Variants in TTN observed in about 807,000 individuals in gnomAD.
The protein encoded by TTN is titin.
TTN carries 1,525 observed loss-of-function variants against 3,223.0 expected under a neutral mutation model. The observed-to-expected ratio is 0.47, with a 90% CI of 0.45 to 0.49. The LOEUF (loss-of-function observed/expected upper bound fraction) is 0.49, where lower values mean the gene tolerates loss of function less well. Ranked by LOEUF, TTN falls within the 20% of genes least tolerant of loss-of-function variation. The pLI, the probability that TTN is intolerant of heterozygous loss-of-function variation, is 0.00. For synonymous variants in TTN, 14,094 were observed against 15,161.0 expected (o/e 0.93, Z 5.17); for missense variants, 40,786 against 43,424.0 (o/e 0.94, Z 5.40).
chr2:178,708,358 G>A (rs920428136), intron 99 of TTN, among the ~76,000 whole-genome samples: 1 of 152,134 alleles, frequency 6.6e-6, no homozygotes. Context: ...CTTAGCCCAA[G>A]GGAATTAGGA....
chr2:178,681,554 A>G, intron 136 of TTN, 104 bp from the exon 137 acceptor site: 1 of 1,455,114 alleles, frequency 6.9e-7, no homozygotes, highest in Non-Finnish European at 9.4e-7. Context: ...ATATTCCCAA[A>G]CACACACATA....
rs1370397460 is a variant in TTN at position 178,741,135 on chromosome 2, G to T, written c.12098C>A (p.Thr4033Lys). ...AAELLVLLED[T>K]DMTDTPCKAK... ...TTTGCAGGGGGTATCAGTCATGTCT[G>T]TGTCTTCCAGAAGCACAAGCAGCTC... The change falls in exon 48 of 363, where the codon ACA becomes AAA. Residue 4033 changes from threonine to lysine, a missense_variant. Transcript: ENST00000589042. 6.2e-7 allele frequency: 1 copy of T among 1,613,624 alleles called. No individual in the cohort carries two copies.
At position 178,527,267 on chromosome 2, in the gene TTN, G is replaced by T. The variant is rs977991321; in HGVS notation, c.107721C>A (p.Ser35907Arg). The T allele has an allele frequency of 9.3e-6, 15 of 1,608,426 alleles. No individual in the cohort carries two copies. The highest frequency in any genetic ancestry group is 1.2e-5 in the Non-Finnish European group (14 of 1,175,926). Residue 35907 changes from serine (S) to arginine (R), a missense_variant, in exon 363 of 363, where the codon AGC (serine) becomes AGA (arginine). Ser to Arg is a moderately radical substitution (Grantham distance 110). Transcript: ENST00000589042. ...PKIEALPSDISIDEGKVLTVA... is the reference protein window; with the variant it reads ...PKIEALPSDIRIDEGKVLTVA... ...CTGTTAGAACTTTGCCTTCATCAATGCTGATATCAGATGGAAGAGCTTCAA... is the reference window on the plus strand; with the variant it reads ...CTGTTAGAACTTTGCCTTCATCAATTCTGATATCAGATGGAAGAGCTTCAA...
rs372820915 is a variant in TTN, at chr2:178,719,493, A to G, written c.23939-42T>C. The G allele has an allele frequency of 2.1e-4, 333 of 1,592,330 alleles. 1 individual carries two copies. In the African/African-American group the frequency reaches 3.9e-3, roughly 19 times the overall value. Reference sequence around the variant, plus strand: ...AGTTTTGCGTTTAAAGAGAAGTTTTATTCTGTGCCCCTCCACCCCCTGGAA... The same window carrying G: ...AGTTTTGCGTTTAAAGAGAAGTTTTGTTCTGTGCCCCTCCACCCCCTGGAA... On this transcript the variant is annotated intron_variant, in intron 82 of 362. Transcript: ENST00000589042.
chr2:178,683,434 T>G, intron 133 of TTN, 143 bp from the exon 134 acceptor site: 1 of 567,968 alleles, frequency 1.8e-6, no homozygotes. Flanking sequence ...AGAAAATCAA[T>G]AGACTTGGAA....
chr2:178,631,376 A>C, intron 236 of TTN, 76 bp from the exon 237 acceptor site: 1 of 1,444,474 alleles, frequency 6.9e-7, no homozygotes, highest in Non-Finnish European at 9.2e-7. Flanking sequence ...AGTTTAAGAC[A>C]CAACTCACAG....
At chr2:178,587,067 T>G in intron 307 of TTN, 51 bp downstream of exon 307, 1 of 1,604,704 alleles carries the variant, frequency 6.2e-7, no homozygotes. Flanking sequence ...ATCTTGACCT[T>G]GCTAAAATAG....
At position 178,733,713 on chromosome 2, in the gene TTN, T is replaced by A; in HGVS notation, c.15676A>T (p.Ile5226Leu). 3 of 1,613,894 alleles carry A rather than the reference T, an allele frequency of 1.9e-6. No individual in the cohort carries two copies. The South Asian group carries it at 3.3e-5, about 18-fold the overall frequency. ...MSFSNGVAVL[I>L]IPDVQISFGG... The stretch of plus-strand genomic sequence containing the variant: ...AAACTAATCTGAACATCAGGGATTA[T>A]CAAGACTGCAACACCATTGGAAAAG... The change falls in exon 53 of 363, where the codon ATA (isoleucine) becomes TTA (leucine). Residue 5226 changes from isoleucine to leucine, a missense_variant. Ile to Leu is a conservative substitution (Grantham distance 5). Coordinates refer to ENST00000589042, the MANE Select transcript of TTN (RefSeq NM_001267550.2).
At position 178,728,983 on chromosome 2, in the gene TTN, C is replaced by T; in HGVS notation, c.19055G>A (p.Arg6352Lys). The T allele has an allele frequency of 6.2e-7, 1 of 1,613,136 alleles. No individual in the cohort carries two copies. The highest frequency in any genetic ancestry group is 8.5e-7 in the Non-Finnish European group (1 of 1,179,540). Residue 6352 changes from arginine to lysine, a missense_variant, in exon 65 of 363, where the codon AGA (arginine) becomes AAA (lysine). Physicochemically the swap from Arg to Lys is conservative, Grantham distance 26 (BLOSUM62 2). Transcript: ENST00000589042. Reference sequence around the variant, plus strand: ...CCCACTGTGTCCATTATCCACACTTCTGATTTGAAGTGTGGCCACACTGTC... The same window carrying T: ...CCCACTGTGTCCATTATCCACACTTTTGATTTGAAGTGTGGCCACACTGTC... ...FVDSVATLQI[R>K]SVDNGHSGRY...
rs776432275 is a variant in TTN, at chr2:178,568,968, G to C, written c.77164C>G (p.Pro25722Ala). The C allele has an allele frequency of 6.2e-7, 1 of 1,613,358 alleles. No individual in the cohort carries two copies. Among genetic ancestry groups the C allele is most frequent in the Admixed American group, 1.7e-5 (1 of 59,984 alleles). Reference protein sequence around the residue: ...RNSVSLSWTKPEHDGGSKIIQ... With the variant: ...RNSVSLSWTKAEHDGGSKIIQ... ...ATTTTACTGCCACCATCATGTTCAG[G>C]TTTTGTCCAACTCAGAGAGACACTG... Residue 25722 changes from proline (P) to alanine (A), a missense_variant, in exon 326 of 363, where the codon CCT becomes GCT. Physicochemically the swap from Pro to Ala is conservative, Grantham distance 27. Transcript: ENST00000589042.
chr2:178,740,697 G>A lies in TTN; in HGVS notation c.12536C>T (p.Ser4179Leu). 6.2e-7 allele frequency: 1 copy of A among 1,613,832 alleles called. No homozygotes were observed. Among genetic ancestry groups the A allele is most frequent in the East Asian group, 2.2e-5 (1 of 44,848 alleles). ...PEEPETQAVL[S>L]DTEKIFPSAM... ...ACTTGGGAAGATTTTCTCGGTATCTGATAGAACTGCCTGTGTCTCAGGCTC... is the reference window on the plus strand; with the variant it reads ...ACTTGGGAAGATTTTCTCGGTATCTAATAGAACTGCCTGTGTCTCAGGCTC... The change falls in exon 48 of 363, where the codon TCA becomes TTA. Residue 4179 changes from serine (S) to leucine (L), a missense_variant. Ser to Leu is a moderately radical substitution (Grantham distance 145). Coordinates refer to ENST00000589042, the MANE Select transcript of TTN (RefSeq NM_001267550.2).
At chr2:178,615,600 G>C (rs777020994) in intron 258 of TTN, 41 bp downstream of exon 258, 4 of 1,610,318 alleles carry the variant, frequency 2.5e-6, no homozygotes, top group Non-Finnish European at 3.4e-6. Flanking sequence ...AGCAAAAACA[G>C]GCAACAAGAT....
At position 178,557,049 on chromosome 2, in the gene TTN, C is replaced by A; in HGVS notation, c.88105G>T (p.Gly29369Cys). ...AGGTCACGTCTCTCAACAATGTAGC[C>A]TGTAATCTTGCTACCTCCATCGAAA... ...PAFDGGSKIT[G>C]YIVERRDLPD... is the part of the protein sequence containing the mutation. Residue 29369 changes from glycine to cysteine, a missense_variant, in exon 330 of 363, where the codon GGC (glycine) becomes TGC (cysteine). Physicochemically the swap from Gly to Cys is radical, Grantham distance 159. Coordinates refer to ENST00000589042, the MANE Select transcript of TTN (RefSeq NM_001267550.2). The A allele has an allele frequency of 6.2e-7, 1 of 1,613,772 alleles. No homozygotes were observed. The highest frequency in any genetic ancestry group is 2.2e-5 in the East Asian group (1 of 44,770).
At chr2:178,801,318 A>C (rs372473100) in intron 3 of TTN, among the ~76,000 whole-genome samples, 6 of 152,166 alleles carry the variant, frequency 3.9e-5, no homozygotes, top group African/African-American at 1.4e-4. Context: ...GAGTGAGTGG[A>C]ATTAACTTTG....
In TTN at chr2:178,775,616, C is replaced by A. The variant is rs781676050; in HGVS notation, c.6248G>T (p.Arg2083Ile). ...TTGGCCCACTGTTTGGCTCTGGATTCTTTCGAAGATTTTTGGAGCCTCCAT... is the reference window on the plus strand; with the variant it reads ...TTGGCCCACTGTTTGGCTCTGGATTATTTCGAAGATTTTTGGAGCCTCCAT... The part of the protein sequence containing the change: ...PSMEAPKIFE[R>I]IQSQTVGQGS... The change falls in exon 28 of 363, where the codon AGA becomes ATA. Residue 2083 changes from arginine to isoleucine, a missense_variant. Arg to Ile is a moderately conservative substitution (Grantham distance 97). Coordinates refer to ENST00000589042, the MANE Select transcript of TTN (RefSeq NM_001267550.2). The A allele has an allele frequency of 3.7e-6, 6 of 1,614,142 alleles. No homozygotes were observed. Among genetic ancestry groups the A allele is most frequent in the Non-Finnish European group, 5.1e-6 (6 of 1,180,002 alleles).
Position 178,651,699 on chromosome 2 carries a change from C to A in TTN, c.39430G>T (p.Val13144Phe). ...GGTGGTAGTTCAGGTTTTTTGGCAA[C>A]GACAGCAGGTGCTTTCTTTTCTGGG... ...PVPEKKAPAV[V>F]AKKPELPPVK... Residue 13144 changes from valine (V) to phenylalanine (F), a missense_variant, in exon 206 of 363, where the codon GTT (valine) becomes TTT (phenylalanine). Transcript: ENST00000589042. The A allele has an allele frequency of 6.2e-7, 1 of 1,613,212 alleles. No individual in the cohort carries two copies. Among genetic ancestry groups the A allele is most frequent in the Non-Finnish European group, 8.5e-7 (1 of 1,179,546 alleles).
chr2:178,781,208 T>C lies in TTN; in HGVS notation c.3436A>G (p.Thr1146Ala). The C allele has an allele frequency of 6.2e-7, 1 of 1,614,074 alleles. No homozygotes were observed. Among genetic ancestry groups the C allele is most frequent in the Non-Finnish European group, 8.5e-7 (1 of 1,179,964 alleles). The change falls in exon 21 of 363, where the codon ACT (threonine) becomes GCT (alanine). Residue 1146 changes from threonine (T) to alanine (A), a missense_variant. Coordinates refer to ENST00000589042, the MANE Select transcript of TTN (RefSeq NM_001267550.2). ...TATTCTCCAGCATCATCAGCAAAAG[T>C]CATAGAAATCACCAGCTTGCATTCA... ...TGECKLVISM[T>A]FADDAGEYTI... is the part of the protein sequence containing the mutation.
Position 178,564,866 on chromosome 2 carries a change from A to T in TTN, c.81266T>A (p.Met27089Lys). 1.2e-6 allele frequency: 2 copies of T among 1,613,024 alleles called. No individual in the cohort carries two copies. Residue 27089 changes from methionine to lysine, a missense_variant, in exon 326 of 363, where the codon ATG becomes AAG. Met to Lys is a moderately conservative substitution (Grantham distance 95). Coordinates refer to ENST00000589042, the MANE Select transcript of TTN (RefSeq NM_001267550.2). ...CACTGGCTCATGCCATTGCACAAGC[A>T]TCTGATCTTTTGAGATTGATGTCAC... ...PFVTSISKDQ[M>K]LVQWHEPVND...
rs1005693391 is a variant in TTN, at chr2:178,591,249, C to T, written c.60476G>A (p.Ser20159Asn). Residue 20159 changes from serine to asparagine, a missense_variant, in exon 304 of 363, where the codon AGC becomes AAC. Coordinates refer to ENST00000589042, the MANE Select transcript of TTN (RefSeq NM_001267550.2). ...AGTAAGATGTACGGCTACTGTTTTG[C>T]TACCGGCTGCATTGGAAACTGTGAT... Reference protein sequence around the residue: ...YQITVSNAAGSKTVAVHLTVL... With the variant: ...YQITVSNAAGNKTVAVHLTVL... 1 of 1,613,280 alleles carries T rather than the reference C, an allele frequency of 6.2e-7. No individual in the cohort carries two copies. The highest frequency in any genetic ancestry group is 8.5e-7 in the Non-Finnish European group (1 of 1,179,498).
Sources: gnomAD v4.1 joint callset for allele counts (sites outside exome capture counted in the v4.1 genomes callset) on GRCh38, gnomAD v4.1.1 for gene constraint, MANE v1.5 for transcripts, NCBI Gene and HGNC (gene_info 2026-07-23, HGNC 2026-07-21) for gene names.